The following CDH3 variants were observed in gnomAD, a reference collection of about 807,000 sequenced individuals.
The protein encoded by CDH3 is cadherin 3, also known as cadherin-3.
A neutral mutation model predicts 82.0 loss-of-function variants in CDH3; 54 were observed. The ratio of observed to expected loss-of-function variants is 0.66; its 90% CI spans 0.53 to 0.83. The LOEUF is 0.83. Ranked by LOEUF, CDH3 falls within the 40% of genes least tolerant of loss-of-function variation. The pLI, the probability that CDH3 is intolerant of heterozygous loss-of-function variation, is 0.00. For synonymous variants in CDH3, 446 were observed against 437.9 expected (o/e 1.02, Z -0.23); for missense variants, 1,054 against 1,084.6 (o/e 0.97, Z 0.40).
At chr16:68,646,058 C>T (rs1451532039) in intron 2 of CDH3, 1 of 428,120 alleles carries the variant, frequency 2.3e-6, no homozygotes, top group Non-Finnish European at 4.3e-6. Flanking sequence ...CCCGCTGGCC[C>T]CAGCAGAGGA....
downstream of CDH3, among the ~76,000 whole-genome samples, chr16:68,727,734 C>T (rs1163684675): frequency 3.3e-5 from 5 of 152,090 alleles, no homozygotes; most frequent in East Asian, 9.7e-4. Flanking sequence ...CATGGTGAAA[C>T]CCCATCTGTA....
chr16:68,663,998 A>T (rs982353739), intron 2 of CDH3, among the ~76,000 whole-genome samples: 2 of 131,780 alleles, frequency 1.5e-5, no homozygotes, highest in African/African-American at 5.8e-5. Flanking sequence ...AACTCATTCA[A>T]CTGAGGTAGA....
At chr16:68,728,446 G>A (rs1460253406), downstream of CDH3, among the ~76,000 whole-genome samples, 8 of 151,996 alleles carry the variant, frequency 5.3e-5, no homozygotes, top group Admixed American at 1.3e-4. Context: ...ATTGACAGGC[G>A]TGAGCCACCG....
At chr16:68,668,340 A>C (rs1489597501) in intron 2 of CDH3, among the ~76,000 whole-genome samples, 2 of 152,174 alleles carry the variant, frequency 1.3e-5, no homozygotes, top group African/African-American at 4.8e-5. Flanking sequence ...AACAGGAGTC[A>C]GTTTACTTCG....
At chr16:68,698,011 G>A in intron 15 of CDH3, 180 bp from the exon 16 acceptor site, 1 of 690,054 alleles carries the variant, frequency 1.4e-6, no homozygotes, top group South Asian at 1.7e-5. Context: ...GTTGCACTGA[G>A]CACTTGCTGT....
chr16:68,698,127 G>A, intron 15 of CDH3, 64 bp from the exon 16 acceptor site: 1 of 1,464,648 alleles, frequency 6.8e-7, no homozygotes, highest in East Asian at 2.3e-5. Context: ...AGAGGAAATG[G>A]AGGCTTGCAG....
intron 2 of CDH3, among the ~76,000 whole-genome samples, chr16:68,660,755 G>A (rs1411205805): frequency 3.9e-5 from 6 of 152,216 alleles, no homozygotes; most frequent in South Asian, 2.1e-4. Context: ...TCAGGAGATC[G>A]AGACTATCCT....
chr16:68,688,082 G>T (rs1210942844), intron 12 of CDH3, among the ~76,000 whole-genome samples: 1 of 151,278 alleles, frequency 6.6e-6, no homozygotes, highest in Non-Finnish European at 1.5e-5. Flanking sequence ...CTCTCGCTAT[G>T]TGACATGGGC....
rs530688615 is a variant in CDH3 at position 68,721,465 on chromosome 16, C to T, written c.100-960C>T. On this transcript the variant is annotated intron_variant, in intron 1 of 2. Transcript: ENST00000569080. Reference sequence around the variant, plus strand: ...GCCAGGCTGGTCTCGAACTCCTAACCTCAGATGATCAACCCGCCTTGGCCT... The same window carrying T: ...GCCAGGCTGGTCTCGAACTCCTAACTTCAGATGATCAACCCGCCTTGGCCT... 2.1e-4 allele frequency among the ~76,000 whole-genome samples: 32 copies of T among 152,118 alleles called. 1 individual carries two copies. The highest frequency in any genetic ancestry group is 7.5e-4 in the African/African-American group (31 of 41,502).
At position 68,679,551 on chromosome 16, in the gene CDH3, C is replaced by T. The variant is rs112314027; in HGVS notation, c.692-248C>T. On this transcript the variant is annotated intron_variant, in intron 6 of 15. Transcript: ENST00000264012. ...CTACTAAAAATATTAAAAAATTAGC[C>T]GGGCGTGGTGGCGGGCACTTGTAAT... Among the ~76,000 whole-genome samples, 5,048 of 151,744 alleles carry T rather than the reference C, an allele frequency of 0.033. 275 individuals carry two copies. The highest frequency in any genetic ancestry group is 0.11 in the African/African-American group (4,668 of 41,396).
In CDH3 at chr16:68,687,730, G is replaced by A. The variant is rs763880904; in HGVS notation, c.1789G>A (p.Glu597Lys). The A allele has an allele frequency of 3.1e-6, 5 of 1,613,054 alleles. No homozygotes were observed. Among genetic ancestry groups the A allele is most frequent in the Non-Finnish European group, 3.4e-6 (4 of 1,179,182 alleles). Reference protein sequence around the residue: ...SDIYWTAEVNEEGDTVVLSLK... With the variant: ...SDIYWTAEVNKEGDTVVLSLK... ...CATCTACTGGACGGCAGAGGTCAAC[G>A]AGGAAGGTACCTGAGTGAGTGGTGG... is the stretch of plus-strand genomic sequence containing the variant. The change falls in exon 12 of 16, where the codon GAG becomes AAG. Residue 597 changes from glutamate to lysine, a missense_variant. Physicochemically the swap from Glu to Lys is moderately conservative, Grantham distance 56. Transcript: ENST00000264012.
chr16:68,690,906 C>CAAAAAAAAAAAAAAAAAAAAAAAAAAAAA (rs1172746288), intron 12 of CDH3, among the ~76,000 whole-genome samples: 1 of 151,578 alleles, frequency 6.6e-6, no homozygotes, highest in African/African-American at 2.4e-5. Flanking sequence ...GACTTAGTCT[C>CAAAAAAAAAAAAAAAAAAAAAAAAAAAAA]AAAAAAATTG....
intron 2 of CDH3, among the ~76,000 whole-genome samples, chr16:68,662,157 T>G (rs1960599342): frequency 6.6e-6 from 1 of 152,150 alleles, no homozygotes; most frequent in African/African-American, 2.4e-5. Context: ...TGTCAGGAGT[T>G]AACTGTGTAA....
At chr16:68,686,559 A>G (rs913890863) in intron 11 of CDH3, 19 of 1,211,038 alleles carry the variant, frequency 1.6e-5, no homozygotes, top group Admixed American at 1.7e-5. Context: ...GGAGGGATTC[A>G]ACCAGTTAGC....
intron 2 of CDH3, among the ~76,000 whole-genome samples, chr16:68,666,428 C>T (rs1172001955): frequency 1.3e-5 from 2 of 152,144 alleles, no homozygotes; most frequent in East Asian, 1.9e-4. Context: ...TAGGCAAGGG[C>T]AATGGGCCTC....
intron 7 of CDH3, 92 bp from the exon 8 acceptor site, chr16:68,680,876 C>A: frequency 1.4e-6 from 2 of 1,410,264 alleles, no homozygotes; most frequent in South Asian, 2.3e-5. Context: ...TCCTCTCCAT[C>A]CACACACCCA....
intron 2 of CDH3, among the ~76,000 whole-genome samples, chr16:68,672,667 C>A (rs1219148384): frequency 6.6e-6 from 1 of 152,206 alleles, no homozygotes; most frequent in Non-Finnish European, 1.5e-5. Context: ...CACAGCCCAG[C>A]ACTCCTCGGC....
chr16:68,698,310 C>T lies in CDH3; in HGVS notation c.2400C>T (p.Ser800=), dbSNP rs757144054. The T allele has an allele frequency of 1.1e-5, 18 of 1,614,128 alleles. No homozygotes were observed. The highest frequency in any genetic ancestry group is 1.6e-4 in the Middle Eastern group (1 of 6,084). ...ASLSSLTSSA[S]DQDQDYDYLN... ...TGAGCTCCCTCACCTCCTCCGCCTC[C>T]GACCAAGACCAAGATTACGATTATC... is the stretch of plus-strand genomic sequence containing the variant. The change falls in exon 16 of 16, where the codon TCC becomes TCT. Residue 800 remains serine (S), a synonymous_variant. Coordinates refer to ENST00000264012, the MANE Select transcript of CDH3 (RefSeq NM_001793.6).
chr16:68,658,379 C>T (rs1188958987), intron 2 of CDH3, among the ~76,000 whole-genome samples: 1 of 152,146 alleles, frequency 6.6e-6, no homozygotes, highest in Non-Finnish European at 1.5e-5. Context: ...AATGATGTGG[C>T]CTGAGGCGAG....
Sources: gnomAD v4.1 joint callset for allele counts (sites outside exome capture counted in the v4.1 genomes callset) on GRCh38, gnomAD v4.1.1 for gene constraint, MANE v1.5 for transcripts, NCBI Gene and HGNC (gene_info 2026-07-23, HGNC 2026-07-21) for gene names.